IGF2BP3: variants seen among roughly 807,000 people sequenced by gnomAD.
The protein encoded by IGF2BP3 is insulin-like growth factor 2 mRNA-binding protein 3.
In IGF2BP3, 9 loss-of-function variants were observed where a neutral mutation model predicts 73.8. The ratio of observed to expected loss-of-function variants is 0.12; its 90% confidence interval spans 0.07 to 0.21. The LOEUF is 0.21. Ranked by LOEUF, IGF2BP3 falls within the 10% of genes least tolerant of loss-of-function variation. The pLI, the probability that IGF2BP3 is intolerant of heterozygous loss-of-function variation, is 1.00. For missense variants in IGF2BP3, 542 were observed against 714.0 expected, an observed-to-expected ratio of 0.76 and a Z score of 2.75; for synonymous variants, 258 against 256.7, an observed-to-expected ratio of 1.01 and a Z score of -0.05.
chr7:23,354,514 G>A (rs1785043862), intron 5 of IGF2BP3, among the ~76,000 whole-genome samples: 1 of 152,168 alleles, frequency 6.6e-6, no homozygotes, highest in Non-Finnish European at 1.5e-5. Context: ...CTCTCTTCTT[G>A]AGTGAGATAG....
chr7:23,367,253 T>G (rs1785403139), intron 3 of IGF2BP3, among the ~76,000 whole-genome samples: 1 of 152,074 alleles, frequency 6.6e-6, no homozygotes, highest in African/African-American at 2.4e-5. Context: ...GCTGGGATTA[T>G]AAGTGTGAGC....
intron 10 of IGF2BP3, among the ~76,000 whole-genome samples, chr7:23,341,722 GCA>G (rs528472903): frequency 4.6e-4 from 69 of 150,140 alleles, no homozygotes; most frequent in Non-Finnish European, 8.9e-4. Flanking sequence ...TAACAAACCT[GCA>G]CATTCTGCAC....
chr7:23,441,803 T>G (rs1157371658), intron 2 of IGF2BP3, among the ~76,000 whole-genome samples: 1 of 152,076 alleles, frequency 6.6e-6, no homozygotes, highest in East Asian at 1.9e-4. Flanking sequence ...TAAATCTGTT[T>G]ATAAATTGAA....
intron 2 of IGF2BP3, among the ~76,000 whole-genome samples, chr7:23,456,851 T>C (rs1427446666): frequency 6.6e-6 from 1 of 151,782 alleles, no homozygotes; most frequent in Non-Finnish European, 1.5e-5. Flanking sequence ...ATCGAGACCA[T>C]CCTGGCCAAC....
At chr7:23,393,651 G>T (rs1329646444) in intron 3 of IGF2BP3, among the ~76,000 whole-genome samples, 1 of 152,190 alleles carries the variant, frequency 6.6e-6, no homozygotes, top group Admixed American at 6.5e-5. Context: ...CACATTGGGA[G>T]AATTTTTATA....
At position 23,347,752 on chromosome 7, in the gene IGF2BP3, C is replaced by CA. The variant is rs1562690435; in HGVS notation, c.684-19dup. ...CATCGATTCTGATAGTGGGCGCAAG[C>CA]AGAGAGGAAAACGAGAGCAGTAAGC... On this transcript the variant is annotated intron_variant, in intron 6 of 14. Transcript: ENST00000258729. 1.2e-6 allele frequency: 2 copies of CA among 1,613,802 alleles called. No homozygotes were observed. Among genetic ancestry groups the CA allele is most frequent in the Admixed American group, 3.3e-5 (2 of 59,960 alleles).
intron 3 of IGF2BP3, among the ~76,000 whole-genome samples, chr7:23,398,248 T>A (rs1786541796): frequency 1.3e-5 from 2 of 152,192 alleles, no homozygotes; most frequent in African/African-American, 4.8e-5. Flanking sequence ...GAACTCATCA[T>A]TTTTTATGGC....
chr7:23,382,046 A>G (rs1785928281), intron 3 of IGF2BP3, among the ~76,000 whole-genome samples: 1 of 152,086 alleles, frequency 6.6e-6, no homozygotes, highest in Non-Finnish European at 1.5e-5. Context: ...ACTCAAGCTC[A>G]GGAGACTAGC....
chr7:23,389,158 CTTT>C (rs141188772), intron 3 of IGF2BP3, among the ~76,000 whole-genome samples: 50 of 145,252 alleles, frequency 3.4e-4, no homozygotes, highest in Non-Finnish European at 5.4e-4. Flanking sequence ...GAATTATTCC[CTTT>C]TTTTTTTTTT....
rs35723715 is a variant in IGF2BP3, at chr7:23,388,607, CTTTTTTTTT to C, written c.286-26875_286-26867del. Among the ~76,000 whole-genome samples, 18 of 124,018 alleles carry C rather than the reference CTTTTTTTTT, an allele frequency of 1.5e-4. 1 individual carries two copies. The South Asian group carries it at 4.5e-3, about 31-fold the overall frequency. The allele number at this position is 124,018 out of a possible 152,430, so 81.4% of individuals were successfully genotyped here. ...TATGCAGATGAGTGGTCTTCTCCAT[CTTTTTTTTT>C]TTTTTTTTTTTTCCAGTCCAAGAAC... is the stretch of plus-strand genomic sequence containing the variant. On this transcript the variant is annotated intron_variant, in intron 3 of 14. Transcript: ENST00000258729.
intron 3 of IGF2BP3, among the ~76,000 whole-genome samples, chr7:23,380,534 T>C (rs965419343): frequency 6.6e-6 from 1 of 152,148 alleles, no homozygotes; most frequent in African/African-American, 2.4e-5. Flanking sequence ...CTGTCATACA[T>C]TACTCTCATC....
In IGF2BP3 at chr7:23,398,145, G is replaced by A. The variant is rs1249388543; in HGVS notation, c.285+20631C>T. ...TTCTCATTGTTCAGTTCCCACCTAT[G>A]AGTGAGAACATGCAGTGGTTGGTTT... is the stretch of plus-strand genomic sequence containing the variant. On this transcript the variant is annotated intron_variant, in intron 3 of 14. Transcript: ENST00000258729. Among the ~76,000 whole-genome samples the A allele has an allele frequency of 3.4e-5, 5 of 146,238 alleles. No homozygotes were observed. In the East Asian group the frequency reaches 6.1e-4, roughly 18 times the overall value.
chr7:23,321,034 G>C (rs1254855464), intron 10 of IGF2BP3, among the ~76,000 whole-genome samples: 1 of 151,576 alleles, frequency 6.6e-6, no homozygotes, highest in African/African-American at 2.4e-5. Flanking sequence ...AATGTTTCTA[G>C]AAATATTAGA....
chr7:23,333,168 A>G (rs1007876802), intron 10 of IGF2BP3, among the ~76,000 whole-genome samples: 1 of 152,264 alleles, frequency 6.6e-6, no homozygotes, highest in Non-Finnish European at 1.5e-5. Flanking sequence ...CACTCAAGAT[A>G]AGATGAAGCC....
chr7:23,318,514 C>T (rs1222839905), intron 11 of IGF2BP3, among the ~76,000 whole-genome samples: 1 of 152,062 alleles, frequency 6.6e-6, no homozygotes, highest in African/African-American at 2.4e-5. Flanking sequence ...TGTGAGCCAC[C>T]GCACCTGGCC....
chr7:23,395,423 C>T (rs943750237), intron 3 of IGF2BP3, among the ~76,000 whole-genome samples: 2 of 151,948 alleles, frequency 1.3e-5, no homozygotes, highest in African/African-American at 4.8e-5. Context: ...AACAAAAAAA[C>T]GAAAACATTT....
In IGF2BP3 at chr7:23,338,701, A is replaced by C. The variant is rs925858767; in HGVS notation, c.1203+3363T>G. ...CTTTCAAAATTGATACCTTTGCCTC[A>C]CCCCTACCCCCAGGGATTTTCATTC... On this transcript the variant is annotated intron_variant, in intron 10 of 14. Transcript: ENST00000258729. Among the ~76,000 whole-genome samples, 5 of 152,028 alleles carry C rather than the reference A, an allele frequency of 3.3e-5. No individual in the cohort carries two copies. In the East Asian group the frequency reaches 9.6e-4, roughly 29 times the overall value.
chr7:23,423,255 G>T (rs1330340221), intron 2 of IGF2BP3, among the ~76,000 whole-genome samples: 1 of 152,186 alleles, frequency 6.6e-6, no homozygotes, highest in African/African-American at 2.4e-5. Context: ...ATCCAGCACA[G>T]ATAAATACAA....
At chr7:23,321,408 G>A (rs181727947) in intron 10 of IGF2BP3, among the ~76,000 whole-genome samples, 1,926 of 152,330 alleles carry the variant, frequency 0.013, 43 homozygotes, top group African/African-American at 0.044. Flanking sequence ...CCCGCACCTG[G>A]CTCGGAGGGT....
Sources: gnomAD v4.1 joint callset for allele counts (sites outside exome capture counted in the v4.1 genomes callset) on GRCh38, gnomAD v4.1.1 for gene constraint, MANE v1.5 for transcripts, NCBI Gene and HGNC (gene_info 2026-07-23, HGNC 2026-07-21) for gene names.